Variants in LRIF1 observed in about 807,000 individuals in gnomAD.
LRIF1 encodes the protein ligand-dependent nuclear receptor-interacting factor 1.
Under a neutral mutation model 52.7 loss-of-function variants are expected in LRIF1, and 32 were observed. The ratio of observed to expected loss-of-function variants is 0.61; its 90% CI spans 0.46 to 0.82. The LOEUF (loss-of-function observed/expected upper bound fraction) is 0.82. LRIF1 is among the 40% of genes least tolerant of loss of function. The probability of loss-of-function intolerance (pLI) is 0.00; values close to 1 mark genes in which losing one functional copy is unlikely to be tolerated. For missense variants in LRIF1, 887 were observed against 892.0 expected (o/e 0.99, Z 0.07); for synonymous variants, 323 against 317.4 (o/e 1.02, Z -0.19).
chr1:110,877,339 C>T, the LRIF1 span, among the ~76,000 whole-genome samples: 1 of 152,200 alleles, frequency 6.6e-6, no homozygotes, highest in Non-Finnish European at 1.5e-5. Context: ...CTTGCTTAAT[C>T]TGAGCATAGC....
chr1:110,962,344 TG>T (rs1658996772), intron 1 of LRIF1, among the ~76,000 whole-genome samples: 1 of 152,042 alleles, frequency 6.6e-6, no homozygotes, highest in Admixed American at 6.5e-5. Context: ...CACCAAAAAA[TG>T]GCTCTTTTTA....
intron 1 of LRIF1, among the ~76,000 whole-genome samples, chr1:110,962,819 T>C (rs540747677): frequency 6.6e-6 from 1 of 152,268 alleles, no homozygotes; most frequent in South Asian, 2.1e-4. Context: ...CCCTATTTTT[T>C]CCTCATCACT....
the LRIF1 span, among the ~76,000 whole-genome samples, chr1:110,904,763 C>T: frequency 5.3e-5 from 8 of 152,066 alleles, no homozygotes; most frequent in Non-Finnish European, 1.2e-4. Flanking sequence ...CAACACCATC[C>T]AGGAAAACAT....
At chr1:110,898,892 A>G in the LRIF1 span, among the ~76,000 whole-genome samples, 2 of 152,100 alleles carry the variant, frequency 1.3e-5, no homozygotes, top group Non-Finnish European at 2.9e-5. Flanking sequence ...AGAAGATAAA[A>G]CATGCTCCAG....
intron 1 of LRIF1, among the ~76,000 whole-genome samples, chr1:110,954,109 A>G (rs1241498240): frequency 3.3e-5 from 5 of 152,196 alleles, no homozygotes; most frequent in Non-Finnish European, 5.9e-5. Context: ...TCAAAAGCAT[A>G]AAGGTATGTT....
At chr1:110,920,900 G>C in the LRIF1 span, among the ~76,000 whole-genome samples, 1 of 152,102 alleles carries the variant, frequency 6.6e-6, no homozygotes, top group Non-Finnish European at 1.5e-5. Flanking sequence ...AACAATTTGA[G>C]ACAAGTGGGA....
chr1:110,919,491 T>C, the LRIF1 span, among the ~76,000 whole-genome samples: 2 of 152,190 alleles, frequency 1.3e-5, no homozygotes, highest in African/African-American at 4.8e-5. Flanking sequence ...TTGTGGGAAC[T>C]TGTGATCGTG....
the LRIF1 span, among the ~76,000 whole-genome samples, chr1:110,889,048 C>G: frequency 2.0e-5 from 3 of 152,102 alleles, no homozygotes; most frequent in Non-Finnish European, 2.9e-5. Context: ...CAAAGGGCAA[C>G]AGGAAGGATT....
In LRIF1 at chr1:110,952,241, T is replaced by A. The variant is rs755203994; in HGVS notation, c.643A>T (p.Thr215Ser). 6.2e-7 allele frequency: 1 copy of A among 1,614,084 alleles called. No individual in the cohort carries two copies. Among genetic ancestry groups the A allele is most frequent in the Non-Finnish European group, 8.5e-7 (1 of 1,180,048 alleles). ...VQQKILATAT[T>S]STSGMVEASQ... ...GCCTCAACCATTCCTGAGGTACTGG[T>A]GGTGGCAGTTGCAAGTATCTTTTGC... Residue 215 changes from threonine to serine, a missense_variant, in exon 2 of 4, where the codon ACC (threonine) becomes TCC (serine). Physicochemically the swap from Thr to Ser is moderately conservative, Grantham distance 58. Transcript: ENST00000369763.
chr1:110,887,326 A>G, the LRIF1 span, among the ~76,000 whole-genome samples: 3 of 152,142 alleles, frequency 2.0e-5, no homozygotes, highest in Non-Finnish European at 4.4e-5. Flanking sequence ...GGCCTCCCAA[A>G]GTGCTGGGAT....
chr1:110,961,447 G>C (rs533762044), intron 1 of LRIF1, among the ~76,000 whole-genome samples: 1 of 152,030 alleles, frequency 6.6e-6, no homozygotes, highest in Non-Finnish European at 1.5e-5. Context: ...TTTATTCTTC[G>C]ACAATAAAAC....
chr1:110,897,319 T>C, the LRIF1 span, among the ~76,000 whole-genome samples: 1 of 152,352 alleles, frequency 6.6e-6, no homozygotes, highest in South Asian at 2.1e-4. Flanking sequence ...TATCTGCTCC[T>C]GAAGGGGTTT....
chr1:110,894,464 A>G, the LRIF1 span: 1 of 1,244,954 alleles, frequency 8.0e-7, no homozygotes, highest in South Asian at 1.2e-5. Context: ...GCAGTGGAGA[A>G]GTTGGTACAA....
intron 1 of LRIF1, among the ~76,000 whole-genome samples, chr1:110,958,855 A>T (rs1658828218): frequency 6.6e-6 from 1 of 152,184 alleles, no homozygotes; most frequent in Non-Finnish European, 1.5e-5. Flanking sequence ...ACAAGGTATA[A>T]TTTTTTTAAA....
intron 1 of LRIF1, among the ~76,000 whole-genome samples, chr1:110,955,140 C>G (rs1430634175): frequency 6.6e-6 from 1 of 152,188 alleles, no homozygotes; most frequent in Non-Finnish European, 1.5e-5. Flanking sequence ...TCCTAATCCC[C>G]CCAAGTTCCA....
chr1:110,940,176 G>T, the LRIF1 span: 1 of 152,106 alleles, frequency 6.6e-6, no homozygotes, highest in Non-Finnish European at 1.5e-5. Context: ...CAAAAGATTT[G>T]AATACACATT....
the LRIF1 span, among the ~76,000 whole-genome samples, chr1:110,901,709 TAGATGATCCA>T: frequency 1.3e-5 from 2 of 152,038 alleles, no homozygotes; most frequent in Admixed American, 6.5e-5. Context: ...CTCCTGACCT[TAGATGATCCA>T]CCTGCCTTGG....
Position 110,951,445 on chromosome 1 carries a change from A to G in LRIF1, c.1439T>C (p.Val480Ala), listed in dbSNP as rs1037903844. Residue 480 changes from valine to alanine, a missense_variant, in exon 2 of 4, where the codon GTT becomes GCT. Physicochemically the swap from Val to Ala is moderately conservative, Grantham distance 64. Transcript: ENST00000369763. ...KTLFTNPIFPVGFSTGHNAPR... is the reference protein window; with the variant it reads ...KTLFTNPIFPAGFSTGHNAPR... ...GGCATTGTGTCCTGTACTAAATCCAACTGGAAAGATTGGATTTGTGAATAA... is the reference window on the plus strand; with the variant it reads ...GGCATTGTGTCCTGTACTAAATCCAGCTGGAAAGATTGGATTTGTGAATAA... 6.2e-7 allele frequency: 1 copy of G among 1,614,118 alleles called. No homozygotes were observed.
the LRIF1 span, among the ~76,000 whole-genome samples, chr1:110,911,847 A>C: frequency 2.0e-5 from 3 of 152,166 alleles, no homozygotes. Context: ...CCAATGAGGG[A>C]ATGTACCTTA....
Sources: allele counts gnomAD v4.1 joint callset (sites outside exome capture counted in the v4.1 genomes callset), GRCh38; gene constraint gnomAD v4.1.1; transcripts MANE v1.5; gene names NCBI Gene and HGNC (gene_info 2026-07-23, HGNC 2026-07-21).